Variants in ANKRD45 observed in about 807,000 individuals in gnomAD.
ANKRD45 encodes the protein ankyrin repeat domain-containing protein 45.
ANKRD45 carries 21 observed loss-of-function variants against 28.1 expected under a neutral mutation model. The ratio of observed to expected loss-of-function variants is 0.75; its 90% CI spans 0.53 to 1.08. ANKRD45 has a LOEUF of 1.08. Among genes scored for constraint, ANKRD45 ranks in the 50% least tolerant of loss-of-function variants. The probability of loss-of-function intolerance (pLI) is 0.00; values close to 1 mark genes in which losing one functional copy is unlikely to be tolerated. For synonymous variants in ANKRD45, 86 were observed against 103.9 expected, an observed-to-expected ratio of 0.83 and a Z score of 1.05; for missense variants, 261 against 308.7, an observed-to-expected ratio of 0.85 and a Z score of 1.16.
the ANKRD45 span, among the ~76,000 whole-genome samples, chr1:173,714,593 A>C: frequency 6.6e-6 from 1 of 152,240 alleles, no homozygotes; most frequent in Admixed American, 6.5e-5. Flanking sequence ...GTGTGCATGC[A>C]ATAATTCAAT....
At chr1:173,707,930 C>T in the ANKRD45 span, among the ~76,000 whole-genome samples, 1 of 152,206 alleles carries the variant, frequency 6.6e-6, no homozygotes, top group Non-Finnish European at 1.5e-5. Context: ...TATTGCCCCA[C>T]TGATTTGAGA....
At chr1:173,679,550 G>A in the ANKRD45 span, among the ~76,000 whole-genome samples, 1 of 152,178 alleles carries the variant, frequency 6.6e-6, no homozygotes, top group Non-Finnish European at 1.5e-5. Context: ...ATTAACTCAA[G>A]ATGGATTAAG....
chr1:173,674,876 G>T, the ANKRD45 span, among the ~76,000 whole-genome samples: 3 of 152,070 alleles, frequency 2.0e-5, no homozygotes, highest in Non-Finnish European at 4.4e-5. Flanking sequence ...AAAATTTTTT[G>T]GAGAAAGCAT....
chr1:173,680,619 T>C, the ANKRD45 span, among the ~76,000 whole-genome samples: 7 of 152,060 alleles, frequency 4.6e-5, no homozygotes, highest in Non-Finnish European at 8.8e-5. Context: ...TCTGCACATG[T>C]ACCCCAGAAC....
At chr1:173,709,212 A>C in the ANKRD45 span, among the ~76,000 whole-genome samples, 1 of 152,190 alleles carries the variant, frequency 6.6e-6, no homozygotes, top group Non-Finnish European at 1.5e-5. Context: ...TCAACTGGGA[A>C]AAGATTCACT....
the ANKRD45 span, among the ~76,000 whole-genome samples, chr1:173,704,091 C>T: frequency 1.3e-5 from 2 of 152,180 alleles, no homozygotes; most frequent in African/African-American, 4.8e-5. Context: ...TGAAAGGGCT[C>T]ATGTCCCGCG....
At chr1:173,617,030 C>T (rs576172292) in intron 5 of ANKRD45, among the ~76,000 whole-genome samples, 6 of 152,108 alleles carry the variant, frequency 3.9e-5, no homozygotes, top group Admixed American at 2.0e-4. Context: ...AAGTGAGAAA[C>T]CACACTTCTC....
In ANKRD45 at chr1:173,609,611, G is replaced by A. The variant is rs180905317; in HGVS notation, c.*534C>T. The A allele has an allele frequency of 1.3e-5, 2 of 152,794 alleles. No individual in the cohort carries two copies. Among genetic ancestry groups the A allele is most frequent in the Admixed American group, 1.3e-4 (2 of 15,336 alleles). The allele number at this position is 152,794 out of a possible 1,614,324, so 9.5% of individuals were successfully genotyped here. ...GTTTATTAATTTACAGATAGAAGGA[G>A]GTCAAAGATAAAGAGGGGTTTTACT... On this transcript the variant is annotated 3_prime_UTR_variant, in exon 6 of 6. Transcript: ENST00000333279.
intron 2 of ANKRD45, among the ~76,000 whole-genome samples, chr1:173,649,156 T>G (rs954103066): frequency 6.6e-6 from 1 of 152,222 alleles, no homozygotes; most frequent in Non-Finnish European, 1.5e-5. Context: ...AATGATTAAC[T>G]GTTATAAGCA....
chr1:173,659,234 T>A lies in ANKRD45; in HGVS notation c.185A>T (p.His62Leu), dbSNP rs777286733. The stretch of plus-strand genomic sequence containing the variant: ...GAGAAGCTGCATGGCCTGTTCATGA[T>A]GAGGATTCTCAGGATCCTCAAATAT... ...QKIFEDPENPHHEQAMQLLLE... is the reference protein window; with the variant it reads ...QKIFEDPENPLHEQAMQLLLE... Residue 62 changes from histidine (H) to leucine (L), a missense_variant, in exon 2 of 6, where the codon CAT becomes CTT. Coordinates refer to ENST00000333279, the MANE Select transcript of ANKRD45 (RefSeq NM_198493.3). 7 of 1,614,170 alleles carry A rather than the reference T, an allele frequency of 4.3e-6. No individual in the cohort carries two copies. In the South Asian group the frequency reaches 5.5e-5, roughly 13 times the overall value.
chr1:173,712,981 AATCACTG>A, the ANKRD45 span, among the ~76,000 whole-genome samples: 1 of 152,320 alleles, frequency 6.6e-6, no homozygotes, highest in African/African-American at 2.4e-5. Flanking sequence ...ACACTTTGAG[AATCACTG>A]AATTGGACCT....
intron 3 of ANKRD45, among the ~76,000 whole-genome samples, chr1:173,636,357 T>G (rs1037469414): frequency 1.3e-5 from 2 of 152,202 alleles, no homozygotes; most frequent in African/African-American, 4.8e-5. Flanking sequence ...TTTCCCACTT[T>G]GCCAATAGAT....
the ANKRD45 span, among the ~76,000 whole-genome samples, chr1:173,710,070 A>T: frequency 1.3e-5 from 2 of 152,282 alleles, no homozygotes; most frequent in African/African-American, 4.8e-5. Flanking sequence ...TATGTCTCTA[A>T]TCCCAGCACT....
chr1:173,713,580 T>C, the ANKRD45 span, among the ~76,000 whole-genome samples: 1 of 152,148 alleles, frequency 6.6e-6, no homozygotes, highest in Non-Finnish European at 1.5e-5. Flanking sequence ...ACAGATAACA[T>C]CACTATTGTA....
the ANKRD45 span, among the ~76,000 whole-genome samples, chr1:173,710,257 T>C: frequency 6.6e-6 from 1 of 152,108 alleles, no homozygotes; most frequent in South Asian, 2.1e-4. Flanking sequence ...GGTGAATCCA[T>C]ATGGGTCTGC....
intron 5 of ANKRD45, 135 bp downstream of exon 5, chr1:173,624,652 C>G: frequency 1.2e-6 from 1 of 866,398 alleles, no homozygotes; most frequent in Non-Finnish European, 1.7e-6. Flanking sequence ...GGAACTATAT[C>G]ATAGATTAGT....
intron 5 of ANKRD45, among the ~76,000 whole-genome samples, chr1:173,610,546 T>A (rs1461610967): frequency 6.6e-6 from 1 of 152,118 alleles, no homozygotes; most frequent in African/African-American, 2.4e-5. Context: ...TCCATCAAGA[T>A]CTAACATTCT....
chr1:173,652,524 C>A (rs549955826), intron 2 of ANKRD45, among the ~76,000 whole-genome samples: 1 of 152,194 alleles, frequency 6.6e-6, no homozygotes, highest in Admixed American at 6.5e-5. Context: ...ATTTTCACAT[C>A]GATGTTCATC....
chr1:173,643,256 C>T (rs1385118105), intron 3 of ANKRD45, among the ~76,000 whole-genome samples: 2 of 150,818 alleles, frequency 1.3e-5, no homozygotes, highest in South Asian at 2.1e-4. Context: ...TCACTGCAAC[C>T]TCTGCCACCC....
Sources: allele counts gnomAD v4.1 joint callset (sites outside exome capture counted in the v4.1 genomes callset), GRCh38; gene constraint gnomAD v4.1.1; transcripts MANE v1.5; gene names NCBI Gene and HGNC (gene_info 2026-07-23, HGNC 2026-07-21).